Variants in SGCZ observed in about 807,000 individuals in gnomAD.
The protein encoded by SGCZ is zeta-sarcoglycan.
In SGCZ, 40 loss-of-function variants were observed where a neutral mutation model predicts 41.3. That is an observed-to-expected ratio of 0.97 (90% CI 0.75 to 1.26). The LOEUF is 1.26. Ranked by LOEUF, SGCZ falls within the 50% of genes most tolerant of loss-of-function variation. The probability of loss-of-function intolerance (pLI) is 0.00; values close to 1 mark genes in which losing one functional copy is unlikely to be tolerated. For synonymous variants in SGCZ, 206 were observed against 137.5 expected (o/e 1.50, Z -3.49); for missense variants, 552 against 369.8 (o/e 1.49, Z -4.04).
At chr8:14,377,845 C>A (rs1007582795) in intron 2 of SGCZ, among the ~76,000 whole-genome samples, 7 of 151,878 alleles carry the variant, frequency 4.6e-5, no homozygotes, top group Non-Finnish European at 1.0e-4. Context: ...CATGTCCCTA[C>A]AAAGGACATG....
chr8:15,140,900 C>G (rs892049641), intron 1 of SGCZ, among the ~76,000 whole-genome samples: 7 of 152,186 alleles, frequency 4.6e-5, no homozygotes, highest in Non-Finnish European at 8.8e-5. Flanking sequence ...TTTGCAGTGA[C>G]AAGTTGTGTA....
chr8:14,743,686 A>G (rs1038314285), intron 1 of SGCZ, among the ~76,000 whole-genome samples: 2 of 152,044 alleles, frequency 1.3e-5, no homozygotes, highest in Non-Finnish European at 2.9e-5. Context: ...CCCCCGCCCG[A>G]CACCCATCAA....
At chr8:14,224,534 G>T (rs1327559771) in intron 4 of SGCZ, among the ~76,000 whole-genome samples, 1 of 152,130 alleles carries the variant, frequency 6.6e-6, no homozygotes, top group Non-Finnish European at 1.5e-5. Context: ...ATGCAACTTT[G>T]TGCATCTGGA....
intron 4 of SGCZ, among the ~76,000 whole-genome samples, chr8:14,231,542 G>A (rs773738849): frequency 6.6e-6 from 1 of 150,430 alleles, no homozygotes; most frequent in Admixed American, 6.6e-5. Flanking sequence ...ACCATGTCTT[G>A]CAGTTAAGTC....
chr8:14,711,400 G>A (rs1160532039), intron 1 of SGCZ, among the ~76,000 whole-genome samples: 2 of 144,674 alleles, frequency 1.4e-5, no homozygotes, highest in African/African-American at 5.2e-5. Flanking sequence ...GACCAGCCTG[G>A]CCAACATGGT....
At chr8:15,126,434 T>C (rs1170712191) in intron 1 of SGCZ, among the ~76,000 whole-genome samples, 2 of 152,156 alleles carry the variant, frequency 1.3e-5, no homozygotes, top group African/African-American at 4.8e-5. Context: ...ATTGATAATC[T>C]ATCAGCAGGG....
At chr8:14,585,117 T>C (rs1805016664) in intron 1 of SGCZ, among the ~76,000 whole-genome samples, 1 of 152,132 alleles carries the variant, frequency 6.6e-6, no homozygotes, top group Non-Finnish European at 1.5e-5. Flanking sequence ...TCCCTGCATT[T>C]AGATAATCTC....
At chr8:14,539,190 G>A (rs1803383705) in intron 2 of SGCZ, among the ~76,000 whole-genome samples, 1 of 151,962 alleles carries the variant, frequency 6.6e-6, no homozygotes, top group East Asian at 1.9e-4. Flanking sequence ...CTAAAGCATC[G>A]TATCTTCCCT....
chr8:14,980,320 C>A (rs1049579332), intron 1 of SGCZ, among the ~76,000 whole-genome samples: 4 of 152,138 alleles, frequency 2.6e-5, no homozygotes, highest in Non-Finnish European at 4.4e-5. Flanking sequence ...AAGAAGGAAT[C>A]TACTCATTAA....
At chr8:14,343,430 G>C (rs923310240) in intron 2 of SGCZ, among the ~76,000 whole-genome samples, 1 of 152,200 alleles carries the variant, frequency 6.6e-6, no homozygotes, top group African/African-American at 2.4e-5. Flanking sequence ...GTCAGAAATG[G>C]AGGGACTAAG....
At chr8:14,123,378 G>T (rs1226446962) in intron 5 of SGCZ, among the ~76,000 whole-genome samples, 1 of 152,180 alleles carries the variant, frequency 6.6e-6, no homozygotes, top group Non-Finnish European at 1.5e-5. Flanking sequence ...TGAAATGTGG[G>T]AAATGAAGTG....
At chr8:14,499,591 A>G (rs1802091842) in intron 2 of SGCZ, among the ~76,000 whole-genome samples, 2 of 152,086 alleles carry the variant, frequency 1.3e-5, no homozygotes, top group African/African-American at 4.8e-5. Context: ...TTTTCAAGCT[A>G]GGCAGCCTTC....
At chr8:14,251,807 C>A (rs1799296436) in intron 3 of SGCZ, among the ~76,000 whole-genome samples, 1 of 151,962 alleles carries the variant, frequency 6.6e-6, no homozygotes, top group South Asian at 2.1e-4. Context: ...ACTTTGCCTC[C>A]CGGGTTCAAG....
intron 1 of SGCZ, among the ~76,000 whole-genome samples, chr8:15,223,485 T>C (rs1801669504): frequency 6.6e-6 from 1 of 152,218 alleles, no homozygotes; most frequent in Non-Finnish European, 1.5e-5. Context: ...TCCCAGTAAC[T>C]TGTTACCATT....
intron 1 of SGCZ, among the ~76,000 whole-genome samples, chr8:14,763,700 T>G (rs1302633993): frequency 6.6e-6 from 1 of 152,182 alleles, no homozygotes; most frequent in African/African-American, 2.4e-5. Flanking sequence ...AACCCAATGA[T>G]GGCTTAATAT....
At chr8:14,610,499 T>C (rs1805892665) in intron 1 of SGCZ, among the ~76,000 whole-genome samples, 1 of 152,126 alleles carries the variant, frequency 6.6e-6, no homozygotes, top group Non-Finnish European at 1.5e-5. Context: ...TTTATTTGGG[T>C]CTCAAGAACC....
intron 2 of SGCZ, among the ~76,000 whole-genome samples, chr8:14,435,705 T>C (rs1800070843): frequency 6.6e-6 from 1 of 152,230 alleles, no homozygotes; most frequent in African/African-American, 2.4e-5. Context: ...TGAAGTGTTT[T>C]ATAAATCTCA....
chr8:14,366,659 GAGACA>G (rs1203060611), intron 2 of SGCZ, among the ~76,000 whole-genome samples: 2 of 152,100 alleles, frequency 1.3e-5, no homozygotes, highest in Non-Finnish European at 2.9e-5. Context: ...AGTCCCATCT[GAGACA>G]AGACAAGTTT....
At chr8:14,141,856 C>A (rs1420070461) in intron 5 of SGCZ, among the ~76,000 whole-genome samples, 1 of 152,204 alleles carries the variant, frequency 6.6e-6, no homozygotes, top group Non-Finnish European at 1.5e-5. Flanking sequence ...GCTATAAAGA[C>A]ACATGCACAC....
Sources: gnomAD v4.1 joint callset for allele counts (sites outside exome capture counted in the v4.1 genomes callset) on GRCh38, gnomAD v4.1.1 for gene constraint, MANE v1.5 for transcripts, NCBI Gene and HGNC (gene_info 2026-07-23, HGNC 2026-07-21) for gene names.